The following NFATC1 variants were observed in gnomAD, a reference collection of about 807,000 sequenced individuals.
NFATC1 encodes nuclear factor of activated T cells 1, also known as nuclear factor of activated T-cells, cytoplasmic 1.
A neutral mutation model predicts 76.0 loss-of-function variants in NFATC1; 22 were observed. The ratio of observed to expected loss-of-function variants is 0.29; its 90% confidence interval spans 0.21 to 0.41. NFATC1 has a LOEUF of 0.41. Ranked by LOEUF, NFATC1 falls within the 10% of genes least tolerant of loss-of-function variation. The probability of loss-of-function intolerance (pLI) is 1.00; values close to 1 mark genes in which losing one functional copy is unlikely to be tolerated. For synonymous variants in NFATC1, 704 were observed against 613.1 expected (o/e 1.15, Z -2.19); for missense variants, 1,357 against 1,337.7 (o/e 1.01, Z -0.23).
intron 9 of NFATC1, chr18:79,496,552 T>C (rs1454520214): frequency 6.6e-6 from 1 of 152,244 alleles, no homozygotes; most frequent in African/African-American, 2.4e-5. Context: ...CAGGTGATCT[T>C]CCTGATAGCA....
At position 79,442,086 on chromosome 18, in the gene NFATC1, G is replaced by A. The variant is rs2086999144; in HGVS notation, c.1387-6696G>A. On this transcript the variant is annotated intron_variant, in intron 3 of 9. Coordinates refer to ENST00000427363, the MANE Select transcript of NFATC1 (RefSeq NM_001278669.2). ...TTGCCTCCAGGTCGAGGTGGGAAGC[G>A]CGCTGGTGGGGCAAGGTGGTCCCTG... 2.6e-5 allele frequency among the ~76,000 whole-genome samples: 4 copies of A among 152,302 alleles called. No homozygotes were observed. The South Asian group carries it at 6.2e-4, about 24-fold the overall frequency.
At chr18:79,481,676 T>C (rs1220608743) in intron 8 of NFATC1, among the ~76,000 whole-genome samples, 1 of 152,246 alleles carries the variant, frequency 6.6e-6, no homozygotes, top group Admixed American at 6.5e-5. Context: ...CTGAGAGCCA[T>C]AGACCCTCGT....
intron 9 of NFATC1, among the ~76,000 whole-genome samples, chr18:79,493,036 G>A (rs73498310): frequency 0.2 from 29,877 of 151,580 alleles, 5,009 homozygotes; most frequent in African/African-American, 0.46. Context: ...CTGAATATTG[G>A]GCTTTCCCCT....
rs558282774 is a variant in NFATC1, at chr18:79,528,218, G to A, written c.*641G>A. ...TGTAACATGCTTCCCTTGTCTGCGCGGTTGAAACCGTAGGCTTGTTCATAG... is the reference window on the plus strand; with the variant it reads ...TGTAACATGCTTCCCTTGTCTGCGCAGTTGAAACCGTAGGCTTGTTCATAG... On this transcript the variant is annotated 3_prime_UTR_variant, in exon 10 of 10. Coordinates refer to ENST00000427363, the MANE Select transcript of NFATC1 (RefSeq NM_001278669.2). 238 of 329,432 alleles carry A rather than the reference G, an allele frequency of 7.2e-4. No individual in the cohort carries two copies. The highest frequency in any genetic ancestry group is 9.5e-4 in the South Asian group (6 of 6,348). 20.4% of individuals were successfully genotyped at this position (329,432 alleles called of 1,614,324 possible).
chr18:79,474,804 TCGA>T (rs1482411434), intron 8 of NFATC1, among the ~76,000 whole-genome samples: 1 of 147,072 alleles, frequency 6.8e-6, no homozygotes, highest in East Asian at 2.1e-4. Context: ...TTTCACACTG[TCGA>T]CGTAAACCTG....
At chr18:79,516,168 G>A (rs117694679) in intron 9 of NFATC1, 18,961 of 152,056 alleles carry the variant, frequency 0.12, 1,647 homozygotes, top group Non-Finnish European at 0.18. Context: ...AATGGCTGAC[G>A]TCCCGAGTGG....
At chr18:79,494,288 A>G (rs2089798508) in intron 9 of NFATC1, among the ~76,000 whole-genome samples, 1 of 140,790 alleles carries the variant, frequency 7.1e-6, no homozygotes, top group Non-Finnish European at 1.6e-5. Context: ...CCGCCGGGGG[A>G]AGGCGAGAGC....
At chr18:79,431,247 C>T (rs7241538) in intron 2 of NFATC1, among the ~76,000 whole-genome samples, 15,837 of 152,226 alleles carry the variant, frequency 0.1, 1,102 homozygotes, top group Non-Finnish European at 0.15. Context: ...CTTGTTCTTG[C>T]TAAGGAACAT....
intron 2 of NFATC1, among the ~76,000 whole-genome samples, chr18:79,427,968 CG>C (rs1284029676): frequency 5.2e-4 from 5 of 9,618 alleles, no homozygotes; most frequent in African/African-American, 1.8e-3. Flanking sequence ...CAGTGGGTGG[CG>C]GGGGGGTGCT....
intron 1 of NFATC1, among the ~76,000 whole-genome samples, chr18:79,409,912 A>G (rs1299891575): frequency 6.6e-6 from 1 of 152,226 alleles, no homozygotes; most frequent in Non-Finnish European, 1.5e-5. Context: ...CGTATTTAGG[A>G]GAAAAAATAA....
rs767672380 is a variant in NFATC1, at chr18:79,520,811, GTC to G, written c.2783-6715_2783-6714del. On this transcript the variant is annotated intron_variant, in intron 9 of 9. Transcript: ENST00000427363. ...TGGGGGGGCATCCACTGATGTGTGTGTCTGTGTGTGGGGGGGGGCATCCACTG... is the reference window on the plus strand; with the variant it reads ...TGGGGGGGCATCCACTGATGTGTGTGTGTGTGTGGGGGGGGGCATCCACTG... Among the ~76,000 whole-genome samples the G allele has an allele frequency of 2.5e-3, 105 of 42,726 alleles. 2 individuals are homozygous for G. The highest frequency in any genetic ancestry group is 0.022 in the Middle Eastern group (1 of 46). 28.0% of individuals were successfully genotyped at this position (42,726 alleles called of 152,430 possible).
intron 1 of NFATC1, among the ~76,000 whole-genome samples, chr18:79,400,078 GCCGGGCCGGGACC>G (rs559596094): frequency 0.017 from 2,513 of 151,392 alleles, 22 homozygotes; most frequent in South Asian, 0.035. Context: ...AGGAGCCTGC[GCCGGGCCGGGACC>G]CCCAGGGCAC....
chr18:79,504,680 C>A (rs1660146), intron 9 of NFATC1, among the ~76,000 whole-genome samples: 5 of 152,208 alleles, frequency 3.3e-5, no homozygotes, highest in South Asian at 2.1e-4. Context: ...AAGACCTCCC[C>A]TTTGTGAAAA....
At chr18:79,409,580 C>T (rs1483165791) in intron 1 of NFATC1, among the ~76,000 whole-genome samples, 3 of 152,204 alleles carry the variant, frequency 2.0e-5, no homozygotes, top group East Asian at 1.9e-4. Context: ...TCCCTCATTC[C>T]TCCCTTGTTT....
At chr18:79,437,359 G>T (rs1193612122) in intron 3 of NFATC1, among the ~76,000 whole-genome samples, 1 of 152,212 alleles carries the variant, frequency 6.6e-6, no homozygotes, top group African/African-American at 2.4e-5. Context: ...CTTCTGGCCA[G>T]GCAGGGAGTG....
intron 2 of NFATC1, among the ~76,000 whole-genome samples, chr18:79,420,135 C>T (rs532905472): frequency 6.6e-6 from 1 of 152,230 alleles, no homozygotes; most frequent in African/African-American, 2.4e-5. Flanking sequence ...CTGGGCTGTG[C>T]GACAGATGTG....
intron 4 of NFATC1, 84 bp downstream of exon 4, chr18:79,449,068 G>GC (rs1233106489): frequency 7.9e-6 from 11 of 1,390,156 alleles, no homozygotes; most frequent in East Asian, 2.4e-5. Context: ...GGTCTGGCCA[G>GC]CCCCCCGCAC....
chr18:79,438,631 A>G (rs1484752943), intron 3 of NFATC1, among the ~76,000 whole-genome samples: 1 of 152,218 alleles, frequency 6.6e-6, no homozygotes, highest in Non-Finnish European at 1.5e-5. Context: ...GCAGCTTATA[A>G]TATTGTCAGT....
chr18:79,453,046 T>C (rs2087539835), intron 6 of NFATC1, among the ~76,000 whole-genome samples: 1 of 152,230 alleles, frequency 6.6e-6, no homozygotes, highest in Non-Finnish European at 1.5e-5. Context: ...AAACATGTTT[T>C]AAATTACAGA....
Sources: gnomAD v4.1 joint callset for allele counts (sites outside exome capture counted in the v4.1 genomes callset) on GRCh38, gnomAD v4.1.1 for gene constraint, MANE v1.5 for transcripts, NCBI Gene and HGNC (gene_info 2026-07-23, HGNC 2026-07-21) for gene names.